The following FCHSD2 variants were observed in gnomAD, a reference collection of about 807,000 sequenced individuals.
The protein encoded by FCHSD2 is FCH and double SH3 domains 2.
In FCHSD2, 38 loss-of-function variants were observed where a neutral mutation model predicts 108.1. The observed-to-expected ratio is 0.35, with a 90% CI of 0.27 to 0.46. FCHSD2 has a LOEUF of 0.46. Ranked by LOEUF, FCHSD2 falls within the 20% of genes least tolerant of loss-of-function variation. The pLI, the probability that FCHSD2 is intolerant of heterozygous loss-of-function variation, is 1.00. For missense variants in FCHSD2, 751 were observed against 897.8 expected (o/e 0.84, Z 2.09); for synonymous variants, 279 against 314.7 (o/e 0.89, Z 1.20).
intron 14 of FCHSD2, among the ~76,000 whole-genome samples, chr11:72,846,162 A>G (rs4944015): frequency 0.99 from 144,891 of 146,198 alleles, 71,797 homozygotes; most frequent in East Asian, 1. Context: ...ATGATGAGTA[A>G]GCTGCTCCTC....
chr11:72,841,652 C>T, intron 17 of FCHSD2, 69 bp from the exon 18 acceptor site: 1 of 1,425,456 alleles, frequency 7.0e-7, no homozygotes. Flanking sequence ...GCTTCTCTGA[C>T]TGCTCTGTAC....
chr11:72,924,441 CT>C (rs536513005), intron 8 of FCHSD2, among the ~76,000 whole-genome samples: 156 of 138,222 alleles, frequency 1.1e-3, no homozygotes, highest in Middle Eastern at 7.3e-3. Flanking sequence ...CCACACCCGG[CT>C]TTTTTTTTTT....
intron 2 of FCHSD2, among the ~76,000 whole-genome samples, chr11:73,113,899 G>A (rs547891735): frequency 6.6e-6 from 1 of 152,234 alleles, no homozygotes; most frequent in East Asian, 1.9e-4. Flanking sequence ...TATATTACTA[G>A]GCAGAGATTC....
intron 8 of FCHSD2, among the ~76,000 whole-genome samples, chr11:72,970,676 C>T (rs1856990814): frequency 6.6e-6 from 1 of 152,154 alleles, no homozygotes; most frequent in African/African-American, 2.4e-5. Flanking sequence ...TGTCTGCTGC[C>T]ACAGCCTGCC....
chr11:73,083,628 A>C, intron 3 of FCHSD2, 67 bp downstream of exon 3: 1 of 951,422 alleles, frequency 1.1e-6, no homozygotes, highest in South Asian at 1.4e-5. Flanking sequence ...CTCTCCAAAA[A>C]CCATCTCTGT....
At position 73,005,416 on chromosome 11, in the gene FCHSD2, T is replaced by C. The variant is rs542484785; in HGVS notation, c.243-4282A>G. ...CTATTACTCGACCTATCAGCAACAC[T>C]GACCTAGTTTATCCTTCTTGAAATG... On this transcript the variant is annotated intron_variant, in intron 4 of 19. Coordinates refer to ENST00000409418, the MANE Select transcript of FCHSD2 (RefSeq NM_014824.3). 3.3e-5 allele frequency among the ~76,000 whole-genome samples: 5 copies of C among 152,332 alleles called. No homozygotes were observed. The East Asian group carries it at 5.8e-4, about 18-fold the overall frequency.
At chr11:72,938,351 A>T (rs74439784) in intron 8 of FCHSD2, among the ~76,000 whole-genome samples, 25,004 of 152,150 alleles carry the variant, frequency 0.16, 2,409 homozygotes, top group South Asian at 0.21. Context: ...AGACTATTAG[A>T]CAAGGCTATT....
In FCHSD2 at chr11:72,906,624, A is replaced by C. The variant is rs922316630; in HGVS notation, c.829-3986T>G. On this transcript the variant is annotated intron_variant, in intron 9 of 19. Coordinates refer to ENST00000409418, the MANE Select transcript of FCHSD2 (RefSeq NM_014824.3). The stretch of plus-strand genomic sequence containing the variant: ...TGTATAAAGTGTAAGGAAGGGATCC[A>C]ATTTAAGCTTTCTACATATAGCTAG... 5.9e-5 allele frequency among the ~76,000 whole-genome samples: 9 copies of C among 152,312 alleles called. 1 individual carries two copies. Among genetic ancestry groups the C allele is most frequent in the Admixed American group, 1.3e-4 (2 of 15,302 alleles).
chr11:73,015,699 C>T (rs1857956524), intron 4 of FCHSD2, 110 bp downstream of exon 4: 4 of 562,784 alleles, frequency 7.1e-6, no homozygotes, highest in Non-Finnish European at 9.3e-6. Context: ...GAAAACACAG[C>T]AGAGGAAAGA....
At chr11:73,119,108 C>G (rs1860672318) in intron 2 of FCHSD2, among the ~76,000 whole-genome samples, 1 of 152,074 alleles carries the variant, frequency 6.6e-6, no homozygotes, top group Admixed American at 6.6e-5. Context: ...TCGGGGCTAT[C>G]CTGGGCAACA....
intron 2 of FCHSD2, among the ~76,000 whole-genome samples, chr11:73,092,407 T>C (rs1319182109): frequency 6.6e-6 from 1 of 151,976 alleles, no homozygotes; most frequent in East Asian, 1.9e-4. Context: ...CCCAAAGTGC[T>C]GGGATTACAG....
intron 4 of FCHSD2, among the ~76,000 whole-genome samples, chr11:73,012,470 A>G (rs1053273295): frequency 1.3e-5 from 2 of 152,332 alleles, no homozygotes; most frequent in East Asian, 3.9e-4. Flanking sequence ...CTGTTTACCT[A>G]CTTGATAAAA....
At chr11:73,112,154 A>G (rs1031473488) in intron 2 of FCHSD2, among the ~76,000 whole-genome samples, 1 of 152,158 alleles carries the variant, frequency 6.6e-6, no homozygotes, top group Admixed American at 6.5e-5. Context: ...AACTCCCTTT[A>G]GCATTTCTTA....
chr11:73,078,870 AC>A (rs1358080633), intron 3 of FCHSD2, among the ~76,000 whole-genome samples: 1 of 151,898 alleles, frequency 6.6e-6, no homozygotes, highest in Non-Finnish European at 1.5e-5. Flanking sequence ...GGCATGCGTC[AC>A]CTCGCCTGGC....
intron 9 of FCHSD2, among the ~76,000 whole-genome samples, chr11:72,916,942 G>T (rs1275360517): frequency 6.8e-6 from 1 of 147,420 alleles, no homozygotes; most frequent in Non-Finnish European, 1.5e-5. Context: ...GTGAGGTAAG[G>T]GTTCACAACT....
chr11:72,922,933 A>G (rs1856002369), intron 8 of FCHSD2, among the ~76,000 whole-genome samples: 1 of 152,164 alleles, frequency 6.6e-6, no homozygotes, highest in Admixed American at 6.6e-5. Flanking sequence ...GTACCTGTTA[A>G]GTGGTCATTC....
chr11:72,914,060 G>C (rs938386966), intron 9 of FCHSD2, among the ~76,000 whole-genome samples: 4 of 152,070 alleles, frequency 2.6e-5, no homozygotes, highest in Non-Finnish European at 1.5e-5. Context: ...TGTCGCCCAG[G>C]CTAGAGTGCA....
chr11:72,961,082 C>T (rs542186952), intron 8 of FCHSD2, among the ~76,000 whole-genome samples: 4 of 152,152 alleles, frequency 2.6e-5, no homozygotes, highest in South Asian at 2.1e-4. Flanking sequence ...TGCTTTCCAT[C>T]GCCAACATTG....
chr11:72,858,706 C>T (rs72969841), intron 13 of FCHSD2, among the ~76,000 whole-genome samples: 1 of 152,004 alleles, frequency 6.6e-6, no homozygotes, highest in Non-Finnish European at 1.5e-5. Context: ...TCTGTACAAC[C>T]CCCCCATGAC....
Sources: gnomAD v4.1 joint callset for allele counts (sites outside exome capture counted in the v4.1 genomes callset) on GRCh38, gnomAD v4.1.1 for gene constraint, MANE v1.5 for transcripts, NCBI Gene and HGNC (gene_info 2026-07-23, HGNC 2026-07-21) for gene names.